Variants in KIF17 observed in about 807,000 individuals in gnomAD.
The protein encoded by KIF17 is kinesin-like protein KIF17.
In KIF17, 80 loss-of-function variants were observed where a neutral mutation model predicts 96.8. That is an observed-to-expected ratio of 0.83 (90% CI 0.69 to 1.00). The LOEUF is 1.00. Among genes scored for constraint, KIF17 ranks in the 50% least tolerant of loss-of-function variants. The pLI is 0.00. For synonymous variants in KIF17, 567 were observed against 587.5 expected, an observed-to-expected ratio of 0.97 and a Z score of 0.51; for missense variants, 1,280 against 1,372.9, an observed-to-expected ratio of 0.93 and a Z score of 1.07.
At chr1:20,690,163 G>A in intron 7 of KIF17, 25 bp downstream of exon 7, 2 of 1,613,864 alleles carry the variant, frequency 1.2e-6, no homozygotes, top group Non-Finnish European at 1.7e-6. Context: ...CCTGGAGACA[G>A]CCTCGGGGGG....
chr1:20,702,943 C>T (rs111722204), intron 5 of KIF17, among the ~76,000 whole-genome samples: 1,853 of 152,300 alleles, frequency 0.012, 12 homozygotes, highest in Non-Finnish European at 0.018. Context: ...GTATCCAGTA[C>T]CCAGCACGTG....
Position 20,682,643 on chromosome 1 carries a change from T to C in KIF17, c.2463+10A>G, listed in dbSNP as rs1340060634. The C allele has an allele frequency of 1.2e-6, 2 of 1,613,048 alleles. No homozygotes were observed. Among genetic ancestry groups the C allele is most frequent in the African/African-American group, 1.3e-5 (1 of 74,916 alleles). Reference sequence around the variant, plus strand: ...GCAGCTGGGCATGGGGGGCTGCATCTGGGCCTCACCTTCCTCTGCATCTTC... The same window carrying C: ...GCAGCTGGGCATGGGGGGCTGCATCCGGGCCTCACCTTCCTCTGCATCTTC... On this transcript the variant is annotated intron_variant, in intron 11 of 14. Coordinates refer to ENST00000400463, the MANE Select transcript of KIF17 (RefSeq NM_001122819.3).
intron 13 of KIF17, among the ~76,000 whole-genome samples, chr1:20,667,368 G>A (rs1173256812): frequency 6.6e-6 from 1 of 152,140 alleles, no homozygotes; most frequent in East Asian, 1.9e-4. Flanking sequence ...CCCCACATGG[G>A]ACCGTCTAGT....
rs574381737 is a variant in KIF17, at chr1:20,664,672, C to A, written c.2999G>T (p.Arg1000Leu). The A allele has an allele frequency of 6.1e-6, 2 of 326,240 alleles. No individual in the cohort carries two copies. The highest frequency in any genetic ancestry group is 9.4e-5 in the African/African-American group (2 of 21,324). The allele number at this position is 326,240 out of a possible 1,614,324, so 20.2% of individuals were successfully genotyped here. Reference protein sequence around the residue: ...PTQAPEMPQPRPFRLESLDIP... With the variant: ...PTQAPEMPQPLPFRLESLDIP... ...GTCGAGGGACTCGAGGCGGAAGGGC[C>A]GGGGCTGGGGCATTTCAGGGGCCTG... Residue 1000 changes from arginine to leucine, a missense_variant, in exon 15 of 15, where the codon CGG becomes CTG. Physicochemically the swap from Arg to Leu is moderately radical, Grantham distance 102. Transcript: ENST00000400463.
downstream of KIF17, among the ~76,000 whole-genome samples, chr1:20,663,265 C>T (rs1034084644): frequency 7.9e-5 from 12 of 152,064 alleles, no homozygotes; most frequent in African/African-American, 1.7e-4. Flanking sequence ...CTGATCTCAC[C>T]GGCTCTGACT....
At chr1:20,707,861 T>C (rs968732995) in intron 4 of KIF17, among the ~76,000 whole-genome samples, 1 of 144,242 alleles carries the variant, frequency 6.9e-6, no homozygotes, top group African/African-American at 2.6e-5. Flanking sequence ...TGTATATATA[T>C]AATATATACA....
chr1:20,663,410 A>T (rs2053471242), downstream of KIF17, among the ~76,000 whole-genome samples: 1 of 152,046 alleles, frequency 6.6e-6, no homozygotes, highest in Non-Finnish European at 1.5e-5. Flanking sequence ...ATTGATACAA[A>T]ATAGGGAGGA....
rs1469492605 is a variant in KIF17, at chr1:20,712,851, ATAT to A, written c.480+600_480+602del. On this transcript the variant is annotated intron_variant, in intron 3 of 14. Transcript: ENST00000400463. ...ATTATCTATATTATAGATATAGATA[ATAT>A]TATCTATATTATAGATATTATCTAT... Among the ~76,000 whole-genome samples, 10 of 9,692 alleles carry A rather than the reference ATAT, an allele frequency of 1.0e-3. 2 individuals carry two copies. Among genetic ancestry groups the A allele is most frequent in the Non-Finnish European group, 2.1e-3 (7 of 3,294 alleles). The allele number at this position is 9,692 out of a possible 152,430, so 6.4% of individuals were successfully genotyped here. A position where few individuals can be genotyped will look rare whatever the true frequency, so the allele number is the denominator to read the frequency against.
chr1:20,690,209 C>T lies in KIF17; in HGVS notation c.1360G>A (p.Glu454Lys), dbSNP rs1283989151. The change falls in exon 7 of 15, where the codon GAG (glutamate) becomes AAG (lysine). Residue 454 changes from glutamate (E) to lysine (K), a missense_variant. Physicochemically the swap from Glu to Lys is moderately conservative, Grantham distance 56 (BLOSUM62 1). Transcript: ENST00000400463. ...CCACCTGTCTCCTTCCGCAGGTTCTCCTCCAGCGTGGACAGCCTGACGTCA... is the reference window on the plus strand; with the variant it reads ...CCACCTGTCTCCTTCCGCAGGTTCTTCTCCAGCGTGGACAGCCTGACGTCA... ...SYDVRLSTLE[E>K]NLRKETEAVL... 1 of 1,614,174 alleles carries T rather than the reference C, an allele frequency of 6.2e-7. No homozygotes were observed.
chr1:20,717,062 G>C (rs1000130630), intron 1 of KIF17, among the ~76,000 whole-genome samples: 9 of 152,164 alleles, frequency 5.9e-5, no homozygotes, highest in Non-Finnish European at 1.2e-4. Context: ...CCATTCGGCC[G>C]GACGCGGTGC....
intron 5 of KIF17, among the ~76,000 whole-genome samples, chr1:20,703,944 G>A (rs1009860805): frequency 7.1e-6 from 1 of 140,030 alleles, no homozygotes; most frequent in African/African-American, 3.0e-5. Flanking sequence ...AAAAAAAAAA[G>A]AGTCCTTCAG....
intron 5 of KIF17, among the ~76,000 whole-genome samples, chr1:20,701,625 T>C (rs1269893766): frequency 6.6e-6 from 1 of 151,814 alleles, no homozygotes; most frequent in Non-Finnish European, 1.5e-5. Context: ...GACTCGCCCT[T>C]GGGAACTGAG....
chr1:20,666,165 GCCTCT>G, intron 14 of KIF17, 44 bp downstream of exon 14: 3 of 1,344,350 alleles, frequency 2.2e-6, no homozygotes, highest in Non-Finnish European at 3.2e-6. Flanking sequence ...TCCCCTTCAC[GCCTCT>G]CCCAGTTGTG....
intron 6 of KIF17, among the ~76,000 whole-genome samples, chr1:20,695,897 C>T (rs373153104): frequency 1.3e-3 from 191 of 152,306 alleles, no homozygotes; most frequent in African/African-American, 4.5e-3. Flanking sequence ...GCACCCAGCA[C>T]GCGCTCACAA....
Position 20,704,636 on chromosome 1 carries a change from G to C in KIF17, c.934C>G (p.Leu312Val), listed in dbSNP as rs1019450527. 6.2e-7 allele frequency: 1 copy of C among 1,614,204 alleles called. No homozygotes were observed. Among genetic ancestry groups the C allele is most frequent in the Non-Finnish European group, 8.5e-7 (1 of 1,180,038 alleles). Residue 312 changes from leucine (L) to valine (V), a missense_variant, in exon 5 of 15, where the codon CTG becomes GTG. Transcript: ENST00000400463. This position sits in a 1 kb window ranked among gnomAD's most constrained non-coding sequence, Gnocchi z 6.8. The stretch of plus-strand genomic sequence containing the variant: ...TCGTAGTTGTTGTCCGCAGGCGACA[G>C]GCAGGCCACCATGAGCGTCTTGGTG... The part of the protein sequence containing the change: ...GNTKTLMVAC[L>V]SPADNNYDET...
intron 11 of KIF17, among the ~76,000 whole-genome samples, chr1:20,673,616 T>C (rs564894953): frequency 2.7e-5 from 4 of 150,352 alleles, no homozygotes; most frequent in East Asian, 2.0e-4. Context: ...CTACAACTTC[T>C]GACTCCAGGG....
rs1373069627 is a variant in KIF17 at position 20,664,251 on chromosome 1, G to A, written c.*333C>T. 16 of 1,025,528 alleles carry A rather than the reference G, an allele frequency of 1.6e-5. 1 individual carries two copies. The highest frequency in any genetic ancestry group is 1.8e-5 in the Non-Finnish European group (14 of 779,528). 63.5% of individuals were successfully genotyped at this position (1,025,528 alleles called of 1,614,324 possible). ...CTCTCCATCAGGGCTGGTGAAGGCC[G>A]TGAAGCAGGTCTCAGGCTTTGAGGC... On this transcript the variant is annotated 3_prime_UTR_variant, in exon 15 of 15. Transcript: ENST00000400463.
Position 20,704,965 on chromosome 1 carries a change from G to T in KIF17, c.671-66C>A. ...GCCCTATGTATCGAGGGCAATCAGT[G>T]CCAGGCACTGGGTGCTCAATGCCCA... is the stretch of plus-strand genomic sequence containing the variant. On this transcript the variant is annotated intron_variant, in intron 4 of 14. Transcript: ENST00000400463. The surrounding 1 kb of genome is among the most constrained non-coding windows in gnomAD (Gnocchi z 6.8). The T allele has an allele frequency of 1.4e-6, 2 of 1,437,640 alleles. No homozygotes were observed. Among genetic ancestry groups the T allele is most frequent in the Non-Finnish European group, 1.9e-6 (2 of 1,037,356 alleles). 89.1% of individuals were successfully genotyped at this position (1,437,640 alleles called of 1,614,324 possible). A position where few individuals can be genotyped will look rare whatever the true frequency, so the allele number is the denominator to read the frequency against.
intron 5 of KIF17, among the ~76,000 whole-genome samples, chr1:20,701,752 C>T (rs1053271122): frequency 2.0e-5 from 3 of 152,166 alleles, no homozygotes; most frequent in Non-Finnish European, 2.9e-5. Context: ...AAGGTGAGGC[C>T]TGCCCCAGGA....
Sources: allele counts gnomAD v4.1 joint callset (sites outside exome capture counted in the v4.1 genomes callset), GRCh38; gene constraint gnomAD v4.1.1; non-coding constraint Gnocchi (gnomAD v3.1); transcripts MANE v1.5; gene names NCBI Gene and HGNC (gene_info 2026-07-23, HGNC 2026-07-21).